Variants in CTNNA2 observed in about 807,000 individuals in gnomAD.
CTNNA2 encodes the protein catenin alpha 2, also known as catenin alpha-2.
Under a neutral mutation model 101.0 loss-of-function variants are expected in CTNNA2, and 42 were observed. That is an observed-to-expected ratio of 0.42 (90% CI 0.32 to 0.54). The LOEUF is 0.54. Among genes scored for constraint, CTNNA2 ranks in the 20% least tolerant of loss-of-function variants. The pLI, the probability that CTNNA2 is intolerant of heterozygous loss-of-function variation, is 0.14. For missense variants in CTNNA2, 871 were observed against 1,223.1 expected, an observed-to-expected ratio of 0.71 and a Z score of 4.29; for synonymous variants, 450 against 456.4, an observed-to-expected ratio of 0.99 and a Z score of 0.18.
intron 3 of CTNNA2, among the ~76,000 whole-genome samples, chr2:79,856,570 A>G (rs1322857497): frequency 6.6e-6 from 1 of 152,214 alleles, no homozygotes; most frequent in Admixed American, 6.5e-5. Flanking sequence ...ACACTCTGCT[A>G]TATGAAGCTC....
intron 9 of CTNNA2, among the ~76,000 whole-genome samples, chr2:80,488,967 G>T (rs2149513557): frequency 1.3e-5 from 2 of 152,208 alleles, no homozygotes; most frequent in East Asian, 3.9e-4. Context: ...AGTTTTCTTT[G>T]TTGGATGCAT....
intron 7 of CTNNA2, among the ~76,000 whole-genome samples, chr2:80,120,644 G>A (rs1357898195): frequency 6.6e-6 from 1 of 152,142 alleles, no homozygotes; most frequent in Non-Finnish European, 1.5e-5. Context: ...AAGGACATTT[G>A]TATTTTCTTT....
At chr2:80,615,336 T>A (rs1698764330) in intron 17 of CTNNA2, among the ~76,000 whole-genome samples, 1 of 151,600 alleles carries the variant, frequency 6.6e-6, no homozygotes, top group African/African-American at 2.4e-5. Flanking sequence ...AGAGCTGCAT[T>A]TATTTGTTGT....
chr2:79,937,825 G>T (rs1435037107), intron 7 of CTNNA2, among the ~76,000 whole-genome samples: 1 of 152,180 alleles, frequency 6.6e-6, no homozygotes, highest in Non-Finnish European at 1.5e-5. Context: ...TAATTCTGTG[G>T]TGCTTAATGT....
At chr2:79,324,471 C>T (rs888000885) in intron 3 of CTNNA2, among the ~76,000 whole-genome samples, 1 of 152,116 alleles carries the variant, frequency 6.6e-6, no homozygotes, top group Non-Finnish European at 1.5e-5. Context: ...GACTTAACCA[C>T]CTGCTCAAGA....
chr2:80,537,365 A>G (rs970725067), intron 9 of CTNNA2, among the ~76,000 whole-genome samples: 2 of 152,160 alleles, frequency 1.3e-5, no homozygotes, highest in Non-Finnish European at 2.9e-5. Flanking sequence ...TGCTATTGTA[A>G]ATAGTGCTGC....
rs181720131 is a variant in CTNNA2, at chr2:79,268,804, C to G, written c.-405-43905C>G. ...TTCTGTGTTTATTCTTTTGGTGTGA[C>G]AACAGAGGAGAAACTGTTTTTTCTA... On this transcript the variant is annotated intron_variant, in intron 2 of 21. Transcript: ENST00000466387. Among the ~76,000 whole-genome samples the G allele has an allele frequency of 9.9e-5, 15 of 152,180 alleles. No individual in the cohort carries two copies. The East Asian group carries it at 2.5e-3, about 26-fold the overall frequency.
intron 3 of CTNNA2, among the ~76,000 whole-genome samples, chr2:79,321,429 G>A (rs1018750072): frequency 6.6e-6 from 1 of 152,064 alleles, no homozygotes. Context: ...AATTTTATTG[G>A]TTCTATAGCA....
At chr2:79,897,926 T>A (rs1256470732) in intron 6 of CTNNA2, among the ~76,000 whole-genome samples, 1 of 152,088 alleles carries the variant, frequency 6.6e-6, no homozygotes, top group Non-Finnish European at 1.5e-5. Context: ...AAATGCTCCT[T>A]GAAACCTCTT....
chr2:80,150,541 C>G (rs1558855259), intron 7 of CTNNA2, among the ~76,000 whole-genome samples: 2 of 152,236 alleles, frequency 1.3e-5, no homozygotes, highest in East Asian at 3.9e-4. Context: ...GGATGTAAAG[C>G]CTGTTTTTCA....
intron 7 of CTNNA2, among the ~76,000 whole-genome samples, chr2:79,970,312 G>T (rs671802): frequency 1.3e-5 from 2 of 152,046 alleles, no homozygotes; most frequent in African/African-American, 4.8e-5. Flanking sequence ...TACTCCACGG[G>T]TATGAGGCTG....
At chr2:79,212,352 A>G (rs1046823332) in intron 2 of CTNNA2, among the ~76,000 whole-genome samples, 2 of 152,190 alleles carry the variant, frequency 1.3e-5, no homozygotes, top group African/African-American at 4.8e-5. Context: ...AATGACACTG[A>G]GGCCTAATAA....
At chr2:79,958,073 C>G (rs529584359) in intron 7 of CTNNA2, among the ~76,000 whole-genome samples, 1 of 152,284 alleles carries the variant, frequency 6.6e-6, no homozygotes, top group East Asian at 1.9e-4. Context: ...CATTCTGTTG[C>G]GCACATCCCA....
chr2:80,343,637 T>TA (rs760139799), intron 7 of CTNNA2, among the ~76,000 whole-genome samples: 1 of 152,168 alleles, frequency 6.6e-6, no homozygotes, highest in Non-Finnish European at 1.5e-5. Context: ...AAAACAAACT[T>TA]ACCATTTTCA....
intron 4 of CTNNA2, among the ~76,000 whole-genome samples, chr2:79,859,483 TA>T (rs1209073546): frequency 1.3e-5 from 2 of 152,048 alleles, no homozygotes; most frequent in African/African-American, 4.8e-5. Flanking sequence ...TCTGGAAAAA[TA>T]TGAAAGGCCT....
At chr2:79,390,059 C>T (rs896051127) in intron 4 of CTNNA2, among the ~76,000 whole-genome samples, 3 of 152,090 alleles carry the variant, frequency 2.0e-5, no homozygotes, top group African/African-American at 7.2e-5. Flanking sequence ...TTATCTCTGC[C>T]CTCTGAGTAT....
At chr2:79,567,835 C>G (rs1223328005) in intron 1 of CTNNA2, among the ~76,000 whole-genome samples, 1 of 152,002 alleles carries the variant, frequency 6.6e-6, no homozygotes, top group Non-Finnish European at 1.5e-5. Context: ...TTTCAGGGAC[C>G]ATCCAAACTG....
chr2:80,250,421 C>A (rs1433193527), intron 7 of CTNNA2, among the ~76,000 whole-genome samples: 1 of 151,904 alleles, frequency 6.6e-6, no homozygotes, highest in Non-Finnish European at 1.5e-5. Context: ...AGGGAGTAAA[C>A]GCAAAGATAG....
intron 7 of CTNNA2, among the ~76,000 whole-genome samples, chr2:80,237,364 G>C (rs1709601422): frequency 6.6e-6 from 1 of 152,120 alleles, no homozygotes; most frequent in Non-Finnish European, 1.5e-5. Context: ...TTTAGGATGG[G>C]TTTATCAGGG....
Sources: allele counts gnomAD v4.1 joint callset (sites outside exome capture counted in the v4.1 genomes callset), GRCh38; gene constraint gnomAD v4.1.1; transcripts MANE v1.5; gene names NCBI Gene and HGNC (gene_info 2026-07-23, HGNC 2026-07-21).